The following NECTIN1 variants were observed in gnomAD, a reference collection of about 807,000 sequenced individuals.
NECTIN1 encodes nectin cell adhesion molecule 1.
In NECTIN1, 23 loss-of-function variants were observed where a neutral mutation model predicts 48.0. The ratio of observed to expected loss-of-function variants is 0.48; its 90% confidence interval spans 0.34 to 0.68. The LOEUF (loss-of-function observed/expected upper bound fraction) is 0.68. Ranked by LOEUF, NECTIN1 falls within the 30% of genes least tolerant of loss-of-function variation. NECTIN1 has a pLI of 0.01. For missense variants in NECTIN1, 591 were observed against 709.9 expected (o/e 0.83, Z 1.90); for synonymous variants, 270 against 288.9 (o/e 0.93, Z 0.66).
rs866116421 is a variant in NECTIN1 at position 119,728,915 on chromosome 11, G to A, written c.-362C>T. 11 of 198,048 alleles carry A rather than the reference G, an allele frequency of 5.6e-5. No individual in the cohort carries two copies. Among genetic ancestry groups the A allele is most frequent in the Middle Eastern group, 1.8e-3 (1 of 562 alleles). The allele number at this position is 198,048 out of a possible 1,614,324, so 12.3% of individuals were successfully genotyped here. A position where few individuals can be genotyped will look rare whatever the true frequency, so the allele number is the denominator to read the frequency against. On this transcript the variant is annotated 5_prime_UTR_variant, in exon 1 of 6. Transcript: ENST00000264025. ...CCGGCTGCCCGGTTGCGCGGCGCGG[G>A]CTCCTGGCCCCGGCCCGCTCACACC...
intron 1 of NECTIN1, among the ~76,000 whole-genome samples, chr11:119,686,147 G>A (rs536124872): frequency 6.6e-6 from 1 of 152,314 alleles, no homozygotes; most frequent in South Asian, 2.1e-4. Context: ...AAGTCTTACT[G>A]ATGCCAGCTC....
chr11:119,654,813 C>T (rs1192165656), intron 5 of NECTIN1, among the ~76,000 whole-genome samples: 1 of 152,112 alleles, frequency 6.6e-6, no homozygotes, highest in Non-Finnish European at 1.5e-5. Context: ...TTGTGATCTG[C>T]CCACCTTGGC....
chr11:119,678,905 A>G lies in NECTIN1; in HGVS notation c.80-140T>C, dbSNP rs1364813353. The G allele has an allele frequency of 1.5e-6, 1 of 688,122 alleles. No homozygotes were observed. Among genetic ancestry groups the G allele is most frequent in the Non-Finnish European group, 2.6e-6 (1 of 385,090 alleles). 42.6% of individuals were successfully genotyped at this position (688,122 alleles called of 1,614,324 possible). The stretch of plus-strand genomic sequence containing the variant: ...ATTGTAAAAATATTAATTACTTGTT[A>G]TAAAAACACTCTAGGCAACACTGAA... On this transcript the variant is annotated intron_variant, in intron 1 of 5. Coordinates refer to ENST00000264025, the MANE Select transcript of NECTIN1 (RefSeq NM_002855.5). This position sits in a 1 kb window ranked among gnomAD's most constrained non-coding sequence, Gnocchi z 4.4.
In NECTIN1 at chr11:119,672,067, C is replaced by A. The variant is rs1864868233; in HGVS notation, c.1003+3092G>T. Among the ~76,000 whole-genome samples the A allele has an allele frequency of 6.6e-6, 1 of 152,248 alleles. No individual in the cohort carries two copies. The highest frequency in any genetic ancestry group is 2.1e-4 in the South Asian group (1 of 4,830). On this transcript the variant is annotated intron_variant, in intron 5 of 5. Transcript: ENST00000264025. The surrounding 1 kb of genome is among the most constrained non-coding windows in gnomAD (Gnocchi z 4.3). ...CCAGGACACTGGCCTTCAAGGCCCG[C>A]AATTCTGGGTCTGAAGAACTCCAGG... is the stretch of plus-strand genomic sequence containing the variant.
In NECTIN1 at chr11:119,664,030, G is replaced by A. The variant is rs748740590; in HGVS notation, c.*717C>T. On this transcript the variant is annotated 3_prime_UTR_variant, in exon 6 of 6. Transcript: ENST00000264025. ...CCACCTGGAGCCCCTAATGGAGGGG[G>A]CACATTGGGGATAAAGAGGGGACGC... is the stretch of plus-strand genomic sequence containing the variant. 2.6e-5 allele frequency: 26 copies of A among 985,842 alleles called. No individual in the cohort carries two copies. In the Admixed American group the frequency reaches 1.3e-3, roughly 49 times the overall value. The allele number at this position is 985,842 out of a possible 1,614,324, so 61.1% of individuals were successfully genotyped here.
intron 1 of NECTIN1, among the ~76,000 whole-genome samples, chr11:119,698,858 G>A (rs1865387573): frequency 6.6e-6 from 1 of 152,136 alleles, no homozygotes; most frequent in African/African-American, 2.4e-5. Flanking sequence ...CATTCCTCAG[G>A]GTCAGAGCAA....
chr11:119,670,050 C>T (rs1864841757), intron 5 of NECTIN1, among the ~76,000 whole-genome samples: 1 of 151,920 alleles, frequency 6.6e-6, no homozygotes, highest in Non-Finnish European at 1.5e-5. Context: ...CCTCCGCCTC[C>T]CGGGTTCAAG....
At chr11:119,641,576 T>C (rs1171343749) in intron 5 of NECTIN1, 3 of 147,292 alleles carry the variant, frequency 2.0e-5, no homozygotes, top group Non-Finnish European at 3.0e-5. Context: ...CCAGGGTCTC[T>C]CTTTCTTCCC....
chr11:119,669,875 T>A (rs1336867690), intron 5 of NECTIN1, among the ~76,000 whole-genome samples: 1 of 152,074 alleles, frequency 6.6e-6, no homozygotes, highest in Non-Finnish European at 1.5e-5. Context: ...CTGCAGCTCA[T>A]AAGCCCACTC....
chr11:119,638,176 G>A (rs1864265909), exon 8 of NECTIN1: 1 of 1,613,928 alleles, frequency 6.2e-7, no homozygotes, highest in African/African-American at 1.3e-5. Context: ...CATAGTAGGG[G>A]GGCTGCAGGG....
rs116878689 is a variant in NECTIN1, at chr11:119,678,362, C to G, written c.430+53G>C. The G allele has an allele frequency of 3.9e-4, 590 of 1,526,064 alleles. 7 individuals are homozygous for G. In the East Asian group the frequency reaches 0.01, roughly 26 times the overall value. 94.5% of individuals were successfully genotyped at this position (1,526,064 alleles called of 1,614,324 possible). Reference sequence around the variant, plus strand: ...TTGAGGCATCCTGAGGATGGCCACGCCCCGAGGTCACAGGCCTCTGGATGA... The same window carrying G: ...TTGAGGCATCCTGAGGATGGCCACGGCCCGAGGTCACAGGCCTCTGGATGA... On this transcript the variant is annotated intron_variant, in intron 2 of 5. Transcript: ENST00000264025. The surrounding 1 kb of genome is among the most constrained non-coding windows in gnomAD (Gnocchi z 4.4).
Position 119,663,154 on chromosome 11 carries a change from G to T in NECTIN1, c.*1593C>A, listed in dbSNP as rs1300525519. 1 of 985,386 alleles carries T rather than the reference G, an allele frequency of 1.0e-6. No homozygotes were observed. The highest frequency in any genetic ancestry group is 1.7e-5 in the African/African-American group (1 of 57,228). The allele number at this position is 985,386 out of a possible 1,614,324, so 61.0% of individuals were successfully genotyped here. ...TGCAGAGCCCCTGACACCCTGGGGT[G>T]AGTTAACTGGAATCCCAGTGGGCAG... On this transcript the variant is annotated 3_prime_UTR_variant, in exon 6 of 6. Transcript: ENST00000264025.
rs1864689988 is a variant in NECTIN1, at chr11:119,662,779, C to T, written c.*1968G>A. 1.0e-6 allele frequency: 1 copy of T among 986,452 alleles called. No homozygotes were observed. The highest frequency in any genetic ancestry group is 1.7e-5 in the African/African-American group (1 of 57,232). 61.1% of individuals were successfully genotyped at this position (986,452 alleles called of 1,614,324 possible). A position where few individuals can be genotyped will look rare whatever the true frequency, so the allele number is the denominator to read the frequency against. ...AGCCCAGCTCCTCCACCTCCCTCTG[C>T]CCTGTGGCTGGAAAGACTCCACAAT... On this transcript the variant is annotated 3_prime_UTR_variant, in exon 6 of 6. Transcript: ENST00000264025. This position sits in a 1 kb window ranked among gnomAD's most constrained non-coding sequence, Gnocchi z 5.3.
downstream of NECTIN1, among the ~76,000 whole-genome samples, chr11:119,656,924 T>C (rs759585637): frequency 1.3e-5 from 2 of 152,150 alleles, no homozygotes; most frequent in Non-Finnish European, 2.9e-5. Flanking sequence ...CTGGGCTCTT[T>C]CATAATCCCT....
chr11:119,642,578 G>A (rs983402029), intron 5 of NECTIN1: 2 of 153,664 alleles, frequency 1.3e-5, no homozygotes. Flanking sequence ...GCCAAGAGAG[G>A]GTGGCAGCTG....
chr11:119,690,837 T>C (rs867064148), intron 1 of NECTIN1, among the ~76,000 whole-genome samples: 6 of 151,984 alleles, frequency 3.9e-5, no homozygotes, highest in Middle Eastern at 3.4e-3. Flanking sequence ...GGACTCTGAG[T>C]GGCCCTTCCA....
intron 1 of NECTIN1, among the ~76,000 whole-genome samples, chr11:119,692,186 G>C (rs1466403644): frequency 2.6e-5 from 4 of 152,208 alleles, no homozygotes; most frequent in African/African-American, 9.6e-5. Flanking sequence ...GCTCAGACTT[G>C]TCGGGGTTTC....
intron 1 of NECTIN1, among the ~76,000 whole-genome samples, chr11:119,685,174 A>G (rs1476840222): frequency 6.6e-6 from 1 of 152,206 alleles, no homozygotes; most frequent in Non-Finnish European, 1.5e-5. Context: ...GGTGCTGATA[A>G]CATCCCATGA....
chr11:119,657,851 G>A, downstream of NECTIN1, among the ~76,000 whole-genome samples: 1 of 147,372 alleles, frequency 6.8e-6, no homozygotes, highest in East Asian at 2.0e-4. Context: ...AGCCCAGGAG[G>A]TCGAGGCTGC....
Sources: allele counts gnomAD v4.1 joint callset (sites outside exome capture counted in the v4.1 genomes callset), GRCh38; gene constraint gnomAD v4.1.1; non-coding constraint Gnocchi (gnomAD v3.1); transcripts MANE v1.5; gene names NCBI Gene and HGNC (gene_info 2026-07-23, HGNC 2026-07-21).